The following OSBP variants were observed in gnomAD, a reference collection of about 807,000 sequenced individuals.
OSBP encodes oxysterol binding protein, also known as oxysterol-binding protein 1.
A neutral mutation model predicts 96.6 loss-of-function variants in OSBP; 32 were observed. That is an observed-to-expected ratio of 0.33 (90% CI 0.25 to 0.45). The LOEUF (loss-of-function observed/expected upper bound fraction) is 0.45. OSBP is among the 20% of genes least tolerant of loss of function. OSBP has a pLI of 1.00. For synonymous variants in OSBP, 369 were observed against 389.6 expected (o/e 0.95, Z 0.62); for missense variants, 653 against 1,029.7 (o/e 0.63, Z 5.01).
chr11:59,582,746 G>A (rs191596345), intron 9 of OSBP, among the ~76,000 whole-genome samples: 2 of 152,160 alleles, frequency 1.3e-5, no homozygotes, highest in Non-Finnish European at 2.9e-5. Context: ...GGGAGTCTGC[G>A]GGAACTCTGG....
At chr11:59,580,996 G>C (rs929423411) in intron 10 of OSBP, among the ~76,000 whole-genome samples, 4 of 152,040 alleles carry the variant, frequency 2.6e-5, no homozygotes, top group African/African-American at 9.7e-5. Context: ...ACTATCATAG[G>C]GCATCTTTTA....
At chr11:59,609,297 G>C (rs543979053) in intron 2 of OSBP, among the ~76,000 whole-genome samples, 2 of 152,198 alleles carry the variant, frequency 1.3e-5, no homozygotes, top group East Asian at 3.9e-4. Context: ...TTCTGAAAGA[G>C]AGCTCAGAAA....
chr11:59,580,332 G>A, intron 10 of OSBP, 63 bp from the exon 11 acceptor site: 1 of 999,902 alleles, frequency 1.0e-6, no homozygotes, highest in Non-Finnish European at 1.6e-6. Flanking sequence ...CCAAACCCAT[G>A]GTTCATAATT....
Position 59,601,632 on chromosome 11 carries a change from T to G in OSBP, c.1021+8A>C, listed in dbSNP as rs752859412. On this transcript the variant is annotated splice_region_variant and intron_variant, in intron 4 of 13. Transcript: ENST00000263847. The stretch of plus-strand genomic sequence containing the variant: ...TAGACCAGGCTACCTGAGAGCTAAG[T>G]GTCTTACCTTTACCAGAACCCACAT... The G allele has an allele frequency of 1.8e-5, 29 of 1,612,014 alleles. No individual in the cohort carries two copies. Among genetic ancestry groups the G allele is most frequent in the Admixed American group, 5.0e-5 (3 of 59,980 alleles).
chr11:59,588,175 AAAG>A (rs1860525151), intron 9 of OSBP, among the ~76,000 whole-genome samples: 1 of 152,226 alleles, frequency 6.6e-6, no homozygotes, highest in South Asian at 2.1e-4. Flanking sequence ...GGAGATAATT[AAAG>A]TAGTTAAAAT....
chr11:59,601,878 C>A, intron 3 of OSBP, 40 bp from the exon 4 acceptor site: 2 of 1,582,238 alleles, frequency 1.3e-6, no homozygotes, highest in South Asian at 2.2e-5. Context: ...CTCAACTAGT[C>A]AGAGTTTCCC....
Position 59,574,655 on chromosome 11 carries a change from G to A in OSBP, c.*1922C>T, listed in dbSNP as rs531631056. On this transcript the variant is annotated 3_prime_UTR_variant, in exon 14 of 14. Transcript: ENST00000263847. ...GAATTCTCACTCTATCCAAAGCCCC[G>A]GATGAGGTCACTGCTTTTATGAGCC... 36 of 106,810 alleles carry A rather than the reference G, an allele frequency of 3.4e-4. 1 individual carries two copies. The highest frequency in any genetic ancestry group is 6.0e-4 in the African/African-American group (16 of 26,454). 6.6% of individuals were successfully genotyped at this position (106,810 alleles called of 1,614,324 possible).
rs1444552621 is a variant in OSBP, at chr11:59,579,679, A to ATT, written c.1878+494_1878+495insAA. On this transcript the variant is annotated intron_variant, in intron 11 of 13. Transcript: ENST00000263847. ...AGAAAAGAGAAGGAATTGGCTTAGTAGTAATACAATATAGTCTTTCTTGAT... is the reference window on the plus strand; with the variant it reads ...AGAAAAGAGAAGGAATTGGCTTAGTATTGTAATACAATATAGTCTTTCTTGAT... 6.6e-5 allele frequency among the ~76,000 whole-genome samples: 10 copies of ATT among 151,946 alleles called. No homozygotes were observed. In the East Asian group the frequency reaches 1.4e-3, roughly 21 times the overall value.
chr11:59,581,086 C>T (rs1394195924), intron 10 of OSBP, among the ~76,000 whole-genome samples: 2 of 152,172 alleles, frequency 1.3e-5, no homozygotes, highest in African/African-American at 4.8e-5. Flanking sequence ...TATTGAGGGA[C>T]ATCTCATCAG....
intron 3 of OSBP, among the ~76,000 whole-genome samples, chr11:59,607,526 C>A (rs190823532): frequency 3.3e-5 from 5 of 151,956 alleles, no homozygotes; most frequent in Non-Finnish European, 7.4e-5. Flanking sequence ...TTCCCATGGT[C>A]ATGGGAAAGT....
At chr11:59,585,139 C>G (rs900443811) in intron 9 of OSBP, among the ~76,000 whole-genome samples, 5 of 151,052 alleles carry the variant, frequency 3.3e-5, no homozygotes, top group African/African-American at 1.2e-4. Context: ...GCTGCCCAGT[C>G]TGGAAAGTGA....
rs755820369 is a variant in OSBP at position 59,578,140 on chromosome 11, G to A, written c.2060+9C>T. ...GTGGTATCTGGGCAGCATGCATGCTGATACTCACGGTAAAGGATTCCTTTT... is the reference window on the plus strand; with the variant it reads ...GTGGTATCTGGGCAGCATGCATGCTAATACTCACGGTAAAGGATTCCTTTT... On this transcript the variant is annotated intron_variant, in intron 12 of 13. Coordinates refer to ENST00000263847, the MANE Select transcript of OSBP (RefSeq NM_002556.3). 1 of 1,613,780 alleles carries A rather than the reference G, an allele frequency of 6.2e-7. No individual in the cohort carries two copies. Among genetic ancestry groups the A allele is most frequent in the Non-Finnish European group, 8.5e-7 (1 of 1,179,722 alleles).
rs576329669 is a variant in OSBP, at chr11:59,597,775, G to A, written c.1311+2721C>T. On this transcript the variant is annotated intron_variant, in intron 7 of 13. Coordinates refer to ENST00000263847, the MANE Select transcript of OSBP (RefSeq NM_002556.3). ...GGCTGGAATGTAGTGGCACCATCTCGACTCACTACAACCTCTGCCTCCAGG... is the reference window on the plus strand; with the variant it reads ...GGCTGGAATGTAGTGGCACCATCTCAACTCACTACAACCTCTGCCTCCAGG... Among the ~76,000 whole-genome samples the A allele has an allele frequency of 9.6e-4, 146 of 152,252 alleles. 4 individuals carry two copies. The South Asian group carries it at 0.027, about 28-fold the overall frequency.
At chr11:59,603,349 A>G (rs560979465) in intron 3 of OSBP, among the ~76,000 whole-genome samples, 1 of 152,308 alleles carries the variant, frequency 6.6e-6, no homozygotes, top group South Asian at 2.1e-4. Context: ...CAGAGAAGCT[A>G]AAAGGTAAAC....
Position 59,615,461 on chromosome 11 carries a change from A to G in OSBP, c.204T>C (p.Ala68=), listed in dbSNP as rs1281712268. 1.5e-5 allele frequency: 19 copies of G among 1,300,542 alleles called. No homozygotes were observed. Among genetic ancestry groups the G allele is most frequent in the Non-Finnish European group, 1.8e-5 (18 of 1,018,032 alleles). 80.6% of individuals were successfully genotyped at this position (1,300,542 alleles called of 1,614,324 possible). The change falls in exon 1 of 14, where the codon GCT becomes GCC. Residue 68 remains alanine (A), a synonymous_variant. Transcript: ENST00000263847. ...CAGTCGGCGGCGCAGGGGCCGGGCC[A>G]GCCGCCGCCACTCCCCCGGCCCCCG... ...PGPGAGGVAA[A]GPAPAPPTGG... is the part of the protein sequence containing the mutation.
At chr11:59,613,465 G>T (rs1023399592) in intron 1 of OSBP, among the ~76,000 whole-genome samples, 2 of 152,204 alleles carry the variant, frequency 1.3e-5, no homozygotes, top group Non-Finnish European at 2.9e-5. Flanking sequence ...GATCCGGTAA[G>T]AACTTGGATG....
At chr11:59,596,930 G>C (rs1303808875) in intron 7 of OSBP, among the ~76,000 whole-genome samples, 1 of 152,196 alleles carries the variant, frequency 6.6e-6, no homozygotes, top group Non-Finnish European at 1.5e-5. Context: ...CTGTGTTACA[G>C]CCTAGAGTAG....
intron 3 of OSBP, 23 bp from the exon 4 acceptor site, chr11:59,601,861 G>GT: frequency 6.2e-7 from 1 of 1,606,760 alleles, no homozygotes; most frequent in Non-Finnish European, 8.5e-7. Context: ...AGCGTTGACT[G>GT]TGTCAGCTCA....
At chr11:59,587,086 G>C (rs1860507857) in intron 9 of OSBP, among the ~76,000 whole-genome samples, 1 of 152,042 alleles carries the variant, frequency 6.6e-6, no homozygotes. Context: ...TAAAAATGTA[G>C]CCTCTAGAAA....
Sources: allele counts gnomAD v4.1 joint callset (sites outside exome capture counted in the v4.1 genomes callset), GRCh38; gene constraint gnomAD v4.1.1; transcripts MANE v1.5; gene names NCBI Gene and HGNC (gene_info 2026-07-23, HGNC 2026-07-21).